SPAG5: variants seen among roughly 807,000 people sequenced by gnomAD.
SPAG5 encodes the protein sperm-associated antigen 5.
Under a neutral mutation model 145.4 loss-of-function variants are expected in SPAG5, and 99 were observed. The ratio of observed to expected loss-of-function variants is 0.68; its 90% confidence interval spans 0.58 to 0.80. The LOEUF (loss-of-function observed/expected upper bound fraction) is 0.80, where lower values mean the gene tolerates loss of function less well. Among genes scored for constraint, SPAG5 ranks in the 30% least tolerant of loss-of-function variants. The pLI is 0.00. For missense variants in SPAG5, 1,192 were observed against 1,416.0 expected (o/e 0.84, Z 2.54); for synonymous variants, 477 against 525.4 (o/e 0.91, Z 1.26).
At chr17:28,585,002 C>T (rs1297165593) in intron 10 of SPAG5, 100 bp downstream of exon 10, 1 of 1,201,032 alleles carries the variant, frequency 8.3e-7, no homozygotes, top group African/African-American at 1.5e-5. Context: ...GGCCTCCAAA[C>T]CCACAGGGTG....
rs2070582469 is a variant in SPAG5 at position 28,585,951 on chromosome 17, C to CT, written c.1652dup (p.Lys552GlufsTer130). 1 of 1,614,120 alleles carries CT rather than the reference C, an allele frequency of 6.2e-7. No homozygotes were observed. Among genetic ancestry groups the CT allele is most frequent in the African/African-American group, 1.3e-5 (1 of 74,936 alleles). ...GGCTCTGGAGCTTTGCCCTCAATTT[C>CT]TTCAGCAAATCAAAACAGCAACAGA... On this transcript the variant is annotated frameshift_variant, in exon 7 of 24. Coordinates refer to ENST00000321765, the MANE Select transcript of SPAG5 (RefSeq NM_006461.4). LOFTEE classifies it high-confidence loss of function.
Position 28,580,066 on chromosome 17 carries a change from G to T in SPAG5, c.2740C>A (p.Pro914Thr). The T allele has an allele frequency of 6.2e-7, 1 of 1,614,014 alleles. No individual in the cohort carries two copies. Among genetic ancestry groups the T allele is most frequent in the Non-Finnish European group, 8.5e-7 (1 of 1,179,956 alleles). Residue 914 changes from proline to threonine, a missense_variant, in exon 16 of 24, where the codon CCT becomes ACT. Pro to Thr is a conservative substitution (Grantham distance 38). Transcript: ENST00000321765. ...STACPPTQEHPLPNDRTFLGS... is the reference protein window; with the variant it reads ...STACPPTQEHTLPNDRTFLGS... ...AGGAAGGTCCTGTCATTAGGCAGAG[G>T]GTGTTCCTGGGTGGGAGGACAGGCT...
chr17:28,594,581 C>T (rs1346557814), intron 2 of SPAG5, among the ~76,000 whole-genome samples: 3 of 151,924 alleles, frequency 2.0e-5, no homozygotes, highest in Non-Finnish European at 2.9e-5. Flanking sequence ...GGCAACAGAG[C>T]GAGACTCCGT....
At chr17:28,581,298 G>C (rs1269397703) in intron 15 of SPAG5, among the ~76,000 whole-genome samples, 1 of 152,170 alleles carries the variant, frequency 6.6e-6, no homozygotes, top group East Asian at 1.9e-4. Context: ...TCCTGAAGTA[G>C]CTGTGCTTGT....
intron 4 of SPAG5, among the ~76,000 whole-genome samples, chr17:28,588,739 C>T (rs1237540423): frequency 6.6e-6 from 1 of 152,138 alleles, no homozygotes; most frequent in Non-Finnish European, 1.5e-5. Context: ...CTAGAGTACA[C>T]TGGGTGATCT....
intron 4 of SPAG5, 83 bp from the exon 5 acceptor site, chr17:28,586,582 A>G (rs1240880260): frequency 3.6e-6 from 4 of 1,125,834 alleles, no homozygotes; most frequent in Non-Finnish European, 5.3e-6. Context: ...TCCAGACTGG[A>G]GTGCAGTGGC....
chr17:28,598,724 G>T, intron 1 of SPAG5, 89 bp from the exon 2 acceptor site: 1 of 1,530,854 alleles, frequency 6.5e-7, no homozygotes, highest in Non-Finnish European at 8.9e-7. Context: ...AGCCCAAAAT[G>T]CGATTAGAAG....
chr17:28,577,823 G>C, intron 23 of SPAG5, 53 bp from the exon 24 acceptor site: 1 of 1,479,046 alleles, frequency 6.8e-7, no homozygotes, highest in African/African-American at 1.4e-5. Flanking sequence ...AAGGCCCAGG[G>C]CTCCCAGCCC....
chr17:28,585,322 C>T lies in SPAG5; in HGVS notation c.1950G>A (p.Leu650=). The T allele has an allele frequency of 6.2e-7, 1 of 1,613,796 alleles. No homozygotes were observed. Among genetic ancestry groups the T allele is most frequent in the Non-Finnish European group, 8.5e-7 (1 of 1,179,650 alleles). ...TATGATGGTCCCAAATACTCACATCCAGTTGCATGGACCTCCAGTCTTGTT... is the reference window on the plus strand; with the variant it reads ...TATGATGGTCCCAAATACTCACATCTAGTTGCATGGACCTCCAGTCTTGTT... ...TLQQDWRSMQ[L]DYTTWTALLS... The change falls in exon 9 of 24, where the codon CTG becomes CTA. Residue 650 remains leucine (L), a synonymous_variant. Coordinates refer to ENST00000321765, the MANE Select transcript of SPAG5 (RefSeq NM_006461.4).
Position 28,583,538 on chromosome 17 carries a change from G to C in SPAG5, c.2658C>G (p.Leu886=). The C allele has an allele frequency of 1.2e-6, 2 of 1,608,386 alleles. No individual in the cohort carries two copies. The highest frequency in any genetic ancestry group is 1.7e-6 in the Non-Finnish European group (2 of 1,178,440). ...LLTEQLQSLT[L]FLQTKLKEKT... ...TCTCCTTTAGTTTTGTCTGTAGAAA[G>C]AGAGTCAGGCTCTGTAGTTGCTCAG... The change falls in exon 15 of 24, where the codon CTC becomes CTG. Residue 886 remains leucine, a synonymous_variant. Coordinates refer to ENST00000321765, the MANE Select transcript of SPAG5 (RefSeq NM_006461.4).
chr17:28,592,962 C>A lies in SPAG5; in HGVS notation c.282G>T (p.Gln94His). Reference protein sequence around the residue: ...SHSSKWLETCQHESDEQPLDP... With the variant: ...SHSSKWLETCHHESDEQPLDP... ...CTAGAGGCTGCTCATCTGATTCATG[C>A]TGACAAGTTTCTAGCCACTTTGAGG... Residue 94 changes from glutamine (Q) to histidine (H), a missense_variant, in exon 3 of 24, where the codon CAG becomes CAT. Coordinates refer to ENST00000321765, the MANE Select transcript of SPAG5 (RefSeq NM_006461.4). 1 of 1,614,166 alleles carries A rather than the reference C, an allele frequency of 6.2e-7. No homozygotes were observed. The highest frequency in any genetic ancestry group is 8.5e-7 in the Non-Finnish European group (1 of 1,180,032).
chr17:28,591,352 C>T (rs2070619710), intron 4 of SPAG5, among the ~76,000 whole-genome samples: 1 of 152,210 alleles, frequency 6.6e-6, no homozygotes. Context: ...TCACTGCAGC[C>T]TTAGCCTCCT....
Position 28,577,652 on chromosome 17 carries a change from G to A in SPAG5, c.*47C>T. 1 of 1,306,506 alleles carries A rather than the reference G, an allele frequency of 7.7e-7. No homozygotes were observed. The highest frequency in any genetic ancestry group is 1.1e-6 in the Non-Finnish European group (1 of 899,280). 80.9% of individuals were successfully genotyped at this position (1,306,506 alleles called of 1,614,324 possible). Reference sequence around the variant, plus strand: ...GTTGGTCTTGGTATTGGGGTAAGGGGGTATTGCAGGTAAAAAGAGGTGAAG... The same window carrying A: ...GTTGGTCTTGGTATTGGGGTAAGGGAGTATTGCAGGTAAAAAGAGGTGAAG... On this transcript the variant is annotated 3_prime_UTR_variant, in exon 24 of 24. Coordinates refer to ENST00000321765, the MANE Select transcript of SPAG5 (RefSeq NM_006461.4).
intron 2 of SPAG5, among the ~76,000 whole-genome samples, chr17:28,595,363 T>C (rs935026845): frequency 6.6e-6 from 1 of 151,902 alleles, no homozygotes; most frequent in African/African-American, 2.4e-5. Context: ...CTGTCAAATA[T>C]GACATTTATC....
At chr17:28,581,220 C>T (rs775150996) in intron 15 of SPAG5, among the ~76,000 whole-genome samples, 1 of 152,170 alleles carries the variant, frequency 6.6e-6, no homozygotes, top group Non-Finnish European at 1.5e-5. Context: ...GAGACAGAGA[C>T]CATATGGCCC....
At chr17:28,578,818 G>T in intron 19 of SPAG5, 66 bp from the exon 20 acceptor site, 1 of 1,282,140 alleles carries the variant, frequency 7.8e-7, no homozygotes, top group Non-Finnish European at 1.1e-6. Context: ...TTGCCAGGAG[G>T]TAGGAGAGAG....
At chr17:28,580,789 C>T (rs1041238813) in intron 15 of SPAG5, 2 of 152,188 alleles carry the variant, frequency 1.3e-5, no homozygotes. Context: ...CCCAGGGTGG[C>T]CTTGCCTTGG....
chr17:28,591,797 C>A lies in SPAG5; in HGVS notation c.1338G>T (p.Glu446Asp). ...DNLLSSLVIL[E>D]VLSRQLRDWK... is the part of the protein sequence containing the mutation. ...AGTCCCGAAGCTGGCGGGAGAGAAC[C>A]TCCAGAATGACAAGAGAGCTCAGCA... The change falls in exon 4 of 24, where the codon GAG (glutamate) becomes GAT (aspartate). Residue 446 changes from glutamate (E) to aspartate (D), a missense_variant. By Grantham distance (45) the Glu-to-Asp change is conservative. Coordinates refer to ENST00000321765, the MANE Select transcript of SPAG5 (RefSeq NM_006461.4). The A allele has an allele frequency of 6.2e-7, 1 of 1,614,148 alleles. No individual in the cohort carries two copies. The highest frequency in any genetic ancestry group is 8.5e-7 in the Non-Finnish European group (1 of 1,180,034).
chr17:28,589,102 ATT>A (rs764519139), intron 4 of SPAG5, among the ~76,000 whole-genome samples: 4 of 146,042 alleles, frequency 2.7e-5, no homozygotes, highest in Non-Finnish European at 1.5e-5. Flanking sequence ...ATTTAAAATA[ATT>A]TTTTTTTTTT....
Sources: allele counts gnomAD v4.1 joint callset (sites outside exome capture counted in the v4.1 genomes callset), GRCh38; gene constraint gnomAD v4.1.1; transcripts MANE v1.5; gene names NCBI Gene and HGNC (gene_info 2026-07-23, HGNC 2026-07-21).